EPHX1: variants seen among roughly 807,000 people sequenced by gnomAD.
EPHX1 encodes the protein epoxide hydrolase 1.
EPHX1 carries 40 observed loss-of-function variants against 43.2 expected under a neutral mutation model. That is an observed-to-expected ratio of 0.93 (90% CI 0.72 to 1.21). The LOEUF (loss-of-function observed/expected upper bound fraction) is 1.21. Among genes scored for constraint, EPHX1 ranks in the 50% most tolerant of loss-of-function variants. The pLI, the probability that EPHX1 is intolerant of heterozygous loss-of-function variation, is 0.00. For missense variants in EPHX1, 550 were observed against 570.4 expected (o/e 0.96, Z 0.36); for synonymous variants, 221 against 226.7 (o/e 0.98, Z 0.22).
At chr1:225,824,128 C>G (rs1287812969) in intron 1 of EPHX1, among the ~76,000 whole-genome samples, 1 of 152,178 alleles carries the variant, frequency 6.6e-6, no homozygotes, top group Non-Finnish European at 1.5e-5. Flanking sequence ...ATTGGTCAGA[C>G]TCTAAGACCG....
rs1414613814 is a variant in EPHX1, at chr1:225,844,512, A to T, written c.1055A>T (p.Asp352Val). 6.2e-7 allele frequency: 1 copy of T among 1,614,014 alleles called. No individual in the cohort carries two copies. The highest frequency in any genetic ancestry group is 8.5e-7 in the Non-Finnish European group (1 of 1,180,006). Residue 352 changes from aspartate to valine, a missense_variant, in exon 8 of 9, where the codon GAC becomes GTC. Asp to Val is a radical substitution (Grantham distance 152, BLOSUM62 -3). Coordinates refer to ENST00000272167, the MANE Select transcript of EPHX1 (RefSeq NM_001136018.4). ...DGGLERKFSLDDLLTNVMLYW... is the reference protein window; with the variant it reads ...DGGLERKFSLVDLLTNVMLYW... The stretch of plus-strand genomic sequence containing the variant: ...TGCGTTCCCAGGAAGTTCTCCCTGG[A>T]CGACCTGCTGACCAACGTCATGCTC...
intron 1 of EPHX1, among the ~76,000 whole-genome samples, chr1:225,820,116 G>A (rs1398682222): frequency 6.6e-6 from 1 of 151,326 alleles, no homozygotes; most frequent in East Asian, 1.9e-4. Context: ...TTGTTTTTTT[G>A]AGACAGAGTC....
At position 225,819,673 on chromosome 1, in the gene EPHX1, G is replaced by A. The variant is rs117438507; in HGVS notation, c.-5-9052G>A. 1.7e-3 allele frequency among the ~76,000 whole-genome samples: 261 copies of A among 152,314 alleles called. 4 individuals are homozygous for A. In the East Asian group the frequency reaches 0.039, roughly 23 times the overall value. Reference sequence around the variant, plus strand: ...AGCAGGGCGGGTAATGTCAGTTACTGAGGGAGGGAACACCAAGAGAAGACA... The same window carrying A: ...AGCAGGGCGGGTAATGTCAGTTACTAAGGGAGGGAACACCAAGAGAAGACA... On this transcript the variant is annotated intron_variant, in intron 1 of 8. Coordinates refer to ENST00000272167, the MANE Select transcript of EPHX1 (RefSeq NM_001136018.4).
intron 1 of EPHX1, among the ~76,000 whole-genome samples, chr1:225,813,156 G>C (rs1281382731): frequency 6.6e-6 from 1 of 152,214 alleles, no homozygotes; most frequent in African/African-American, 2.4e-5. Flanking sequence ...AGTAAGTTTT[G>C]AAGGGACTCA....
In EPHX1 at chr1:225,845,385, A is replaced by C. The variant is rs1382794008; in HGVS notation, c.*38A>C. On this transcript the variant is annotated 3_prime_UTR_variant, in exon 9 of 9. Transcript: ENST00000272167. ...CCCCCGCCTGCCACCTCCCCCCACA[A>C]GTGCCCTCCAGGCTTTTCTTGGGGA... 1 of 1,519,462 alleles carries C rather than the reference A, an allele frequency of 6.6e-7. No homozygotes were observed. Among genetic ancestry groups the C allele is most frequent in the South Asian group, 1.2e-5 (1 of 83,642 alleles). The allele number at this position is 1,519,462 out of a possible 1,614,324, so 94.1% of individuals were successfully genotyped here.
chr1:225,841,837 C>T (rs1034513952), intron 6 of EPHX1, among the ~76,000 whole-genome samples: 23 of 152,122 alleles, frequency 1.5e-4, no homozygotes, highest in Non-Finnish European at 5.9e-5. Context: ...CTCCTTACCG[C>T]AGGTGATCCA....
chr1:225,832,659 T>G (rs977648842), intron 3 of EPHX1, among the ~76,000 whole-genome samples: 1 of 152,256 alleles, frequency 6.6e-6, no homozygotes, highest in African/African-American at 2.4e-5. Context: ...CCATTTTACT[T>G]TCCCACCCAA....
At chr1:225,841,288 T>C (rs1446357189) in intron 6 of EPHX1, 1 of 152,282 alleles carries the variant, frequency 6.6e-6, no homozygotes, top group Non-Finnish European at 1.5e-5. Context: ...GCTTTATTTA[T>C]TTATTTTTTC....
intron 8 of EPHX1, 133 bp from the exon 9 acceptor site, chr1:225,845,013 T>G: frequency 1.3e-5 from 13 of 981,658 alleles, no homozygotes; most frequent in Non-Finnish European, 1.7e-5. Context: ...AGACCCTGGA[T>G]TTGTCCTTTT....
At chr1:225,816,567 C>A (rs1476085320) in intron 1 of EPHX1, among the ~76,000 whole-genome samples, 1 of 152,194 alleles carries the variant, frequency 6.6e-6, no homozygotes, top group Admixed American at 6.5e-5. Flanking sequence ...GGGCATCTCT[C>A]GGTCTTCTTG....
chr1:225,829,943 C>T (rs1028681598), intron 2 of EPHX1, among the ~76,000 whole-genome samples: 5 of 152,032 alleles, frequency 3.3e-5, no homozygotes, highest in Non-Finnish European at 5.9e-5. Context: ...GGCATAGTGG[C>T]GGGCACCTAT....
chr1:225,843,764 T>C (rs2740173), intron 7 of EPHX1, among the ~76,000 whole-genome samples: 151,829 of 152,384 alleles, frequency 1, 75,641 homozygotes, highest in East Asian at 1. Flanking sequence ...CGGGCAGAGC[T>C]GAAAGGGAGA....
intron 1 of EPHX1, among the ~76,000 whole-genome samples, chr1:225,811,959 G>T (rs1666505456): frequency 6.6e-6 from 1 of 152,130 alleles, no homozygotes; most frequent in Non-Finnish European, 1.5e-5. Context: ...TGTGTAATAT[G>T]GAGATAAATA....
In EPHX1 at chr1:225,817,688, G is replaced by A. The variant is rs182673128; in HGVS notation, c.-6+7519G>A. 1.8e-3 allele frequency among the ~76,000 whole-genome samples: 274 copies of A among 152,314 alleles called. 2 individuals carry two copies. The highest frequency in any genetic ancestry group is 6.3e-3 in the African/African-American group (263 of 41,568). On this transcript the variant is annotated intron_variant, in intron 1 of 8. Coordinates refer to ENST00000272167, the MANE Select transcript of EPHX1 (RefSeq NM_001136018.4). This position sits in a 1 kb window ranked among gnomAD's most constrained non-coding sequence, Gnocchi z 5.7. ...CCCAGGAGAAGCACTGGCTTTTCAC[G>A]CTGCTGTGAGTCTCAGTCACTATTA...
intron 4 of EPHX1, 39 bp downstream of exon 4, chr1:225,838,920 C>A: frequency 6.3e-7 from 1 of 1,596,620 alleles, no homozygotes; most frequent in South Asian, 1.1e-5. Context: ...GCCCCGTCCT[C>A]GCCAAGGGTG....
chr1:225,833,680 A>G (rs1413569571), intron 3 of EPHX1, among the ~76,000 whole-genome samples: 5 of 151,900 alleles, frequency 3.3e-5, no homozygotes, highest in Non-Finnish European at 7.4e-5. Flanking sequence ...CTGTAGTCCC[A>G]GCTACTCGGG....
intron 1 of EPHX1, among the ~76,000 whole-genome samples, chr1:225,822,959 A>C (rs1667043731): frequency 6.6e-6 from 1 of 152,120 alleles, no homozygotes; most frequent in South Asian, 2.1e-4. Flanking sequence ...TAACAAGAAC[A>C]GGGGCTCCTC....
intron 1 of EPHX1, among the ~76,000 whole-genome samples, chr1:225,822,503 G>A (rs548699042): frequency 9.2e-5 from 14 of 152,154 alleles, no homozygotes; most frequent in Non-Finnish European, 1.9e-4. Flanking sequence ...TCAGGTGCTA[G>A]CAAAATAAAG....
chr1:225,814,841 C>T (rs1157831070), intron 1 of EPHX1, among the ~76,000 whole-genome samples: 2 of 152,210 alleles, frequency 1.3e-5, no homozygotes, highest in Admixed American at 6.5e-5. Flanking sequence ...CCTCTTTCTG[C>T]TAGAACTGGT....
Sources: gnomAD v4.1 joint callset for allele counts (sites outside exome capture counted in the v4.1 genomes callset) on GRCh38, gnomAD v4.1.1 for gene constraint, Gnocchi (gnomAD v3.1) non-coding constraint, MANE v1.5 for transcripts, NCBI Gene and HGNC (gene_info 2026-07-23, HGNC 2026-07-21) for gene names.